Variants in SLC41A3 observed in about 807,000 individuals in gnomAD.
SLC41A3 encodes the protein SLC41A1-like 2.
Under a neutral mutation model 45.4 loss-of-function variants are expected in SLC41A3, and 44 were observed. The observed-to-expected ratio is 0.97, with a 90% CI of 0.76 to 1.25. The LOEUF is 1.25. Ranked by LOEUF, SLC41A3 falls within the 50% of genes most tolerant of loss-of-function variation. SLC41A3 has a pLI of 0.00. For missense variants in SLC41A3, 550 were observed against 600.6 expected, an observed-to-expected ratio of 0.92 and a Z score of 0.88; for synonymous variants, 256 against 252.4, an observed-to-expected ratio of 1.01 and a Z score of -0.13.
At chr3:126,023,722 CCTGTTCAGA>C (rs1180438526) in intron 5 of SLC41A3, 2 of 152,118 alleles carry the variant, frequency 1.3e-5, no homozygotes, top group East Asian at 3.9e-4. Flanking sequence ...AGTCCTCCTT[CCTGTTCAGA>C]CTGTTCAGAC....
chr3:126,057,067 G>A (rs191227645), intron 2 of SLC41A3: 27 of 995,380 alleles, frequency 2.7e-5, no homozygotes, highest in Non-Finnish European at 3.1e-5. Flanking sequence ...TGGCAGAGGA[G>A]GGCCTGGGGA....
At chr3:126,097,741 A>T (rs1369802040) in intron 1 of SLC41A3, among the ~76,000 whole-genome samples, 5 of 152,202 alleles carry the variant, frequency 3.3e-5, no homozygotes, top group Admixed American at 6.5e-5. Flanking sequence ...GACAAACAGC[A>T]ACCAGCAGCT....
upstream of SLC41A3, among the ~76,000 whole-genome samples, chr3:126,087,585 A>G (rs1460858906): frequency 1.3e-5 from 2 of 152,060 alleles, no homozygotes; most frequent in Non-Finnish European, 2.9e-5. Context: ...AGAGATGTAG[A>G]GAAACATAAG....
intron 8 of SLC41A3, among the ~76,000 whole-genome samples, chr3:126,013,113 T>C (rs1040598334): frequency 6.6e-6 from 1 of 151,898 alleles, no homozygotes; most frequent in Non-Finnish European, 1.5e-5. Context: ...GGTCTGAGAA[T>C]AGTGTGATAA....
chr3:126,081,485 T>C (rs79801019), intron 1 of SLC41A3, among the ~76,000 whole-genome samples: 4,139 of 152,328 alleles, frequency 0.027, 168 homozygotes, highest in African/African-American at 0.09. Flanking sequence ...TATTTCGGAA[T>C]AGCTAGAATT....
Position 126,026,507 on chromosome 3 carries a change from G to A in SLC41A3, c.454-28C>T, listed in dbSNP as rs929274831. The A allele has an allele frequency of 6.3e-7, 1 of 1,590,898 alleles. No homozygotes were observed. Among genetic ancestry groups the A allele is most frequent in the South Asian group, 1.1e-5 (1 of 87,534 alleles). Reference sequence around the variant, plus strand: ...GTTGGACAGAAATCAGAAGCATGAAGGGGGGCCCCGGGGCCACAGCCACAC... The same window carrying A: ...GTTGGACAGAAATCAGAAGCATGAAAGGGGGCCCCGGGGCCACAGCCACAC... On this transcript the variant is annotated intron_variant, in intron 4 of 10. Transcript: ENST00000360370. This position sits in a 1 kb window ranked among gnomAD's most constrained non-coding sequence, Gnocchi z 4.2.
chr3:126,015,938 T>C (rs1940235356), intron 7 of SLC41A3, among the ~76,000 whole-genome samples: 1 of 152,212 alleles, frequency 6.6e-6, no homozygotes, highest in African/African-American at 2.4e-5. Context: ...GATCACCTCA[T>C]GCCCACCCCA....
rs879554091 is a variant in SLC41A3 at position 126,006,750 on chromosome 3, C to A, written c.*266G>T. The stretch of plus-strand genomic sequence containing the variant: ...GCCAGAACACCCTCCTCTCCACAAA[C>A]GTGTGCACACTTGCACGCTCATTAA... On this transcript the variant is annotated 3_prime_UTR_variant, in exon 11 of 11. Coordinates refer to ENST00000360370, the MANE Select transcript of SLC41A3 (RefSeq NM_017836.4). 2.8e-6 allele frequency: 4 copies of A among 1,444,648 alleles called. No homozygotes were observed. The South Asian group carries it at 4.5e-5, about 16-fold the overall frequency. The allele number at this position is 1,444,648 out of a possible 1,614,324, so 89.5% of individuals were successfully genotyped here.
chr3:126,047,072 A>C (rs1251456313), intron 3 of SLC41A3, among the ~76,000 whole-genome samples: 1 of 151,914 alleles, frequency 6.6e-6, no homozygotes, highest in South Asian at 2.1e-4. Flanking sequence ...AAGCAAAAAA[A>C]CTAAATGCTG....
rs1448751437 is a variant in SLC41A3 at position 126,015,492 on chromosome 3, A to G, written c.970+2T>C. The G allele has an allele frequency of 6.2e-7, 1 of 1,614,152 alleles. No individual in the cohort carries two copies. Among genetic ancestry groups the G allele is most frequent in the South Asian group, 1.1e-5 (1 of 91,080 alleles). On this transcript the variant is annotated splice_donor_variant, in intron 8 of 10. Transcript: ENST00000360370. LOFTEE classifies it high-confidence loss of function. The stretch of plus-strand genomic sequence containing the variant: ...CCACATGGGAACCCTTCAAATACGT[A>G]CCACATATGACGGGGGTAAATATCG...
At chr3:126,010,984 G>C (rs1192875185) in intron 9 of SLC41A3, among the ~76,000 whole-genome samples, 2 of 152,188 alleles carry the variant, frequency 1.3e-5, no homozygotes, top group Non-Finnish European at 2.9e-5. Flanking sequence ...CCAAAGTCTT[G>C]TCCATAATAC....
chr3:126,074,206 C>T (rs149219763), intron 1 of SLC41A3, among the ~76,000 whole-genome samples: 438 of 151,864 alleles, frequency 2.9e-3, no homozygotes, highest in Middle Eastern at 0.017. Flanking sequence ...AGGACATTCC[C>T]TTCTATTCCT....
At chr3:126,020,120 C>T (rs889407237) in intron 6 of SLC41A3, among the ~76,000 whole-genome samples, 7 of 152,144 alleles carry the variant, frequency 4.6e-5, no homozygotes, top group African/African-American at 1.7e-4. Flanking sequence ...AGGTTTATGA[C>T]TTGTACCTTC....
chr3:126,028,235 C>T (rs1162683120), intron 4 of SLC41A3, among the ~76,000 whole-genome samples: 3 of 152,248 alleles, frequency 2.0e-5, no homozygotes, highest in African/African-American at 7.2e-5. Context: ...CCTCCCCTCA[C>T]AGGCCCAGAG....
chr3:126,006,957 C>A lies in SLC41A3; in HGVS notation c.*59G>T. 6.2e-7 allele frequency: 1 copy of A among 1,607,266 alleles called. No homozygotes were observed. Among genetic ancestry groups the A allele is most frequent in the South Asian group, 1.1e-5 (1 of 90,060 alleles). ...GACCTGGCAAGGGAGAAACTGAATTCTGTATCCCACTGATGTGAGAGGAAA... is the reference window on the plus strand; with the variant it reads ...GACCTGGCAAGGGAGAAACTGAATTATGTATCCCACTGATGTGAGAGGAAA... On this transcript the variant is annotated 3_prime_UTR_variant, in exon 11 of 11. Coordinates refer to ENST00000360370, the MANE Select transcript of SLC41A3 (RefSeq NM_017836.4).
At chr3:126,053,893 T>C (rs1402992402) in intron 2 of SLC41A3, among the ~76,000 whole-genome samples, 1 of 152,130 alleles carries the variant, frequency 6.6e-6, no homozygotes, top group Non-Finnish European at 1.5e-5. Flanking sequence ...TTCCCCAATC[T>C]GACATTCAAG....
intron 2 of SLC41A3, chr3:126,056,654 C>T (rs751769291): frequency 8.8e-6 from 13 of 1,470,996 alleles, no homozygotes; most frequent in African/African-American, 2.8e-5. Flanking sequence ...CCAAGAAGTC[C>T]ACACAAACAG....
At chr3:126,086,159 T>G (rs2108122027), upstream of SLC41A3, among the ~76,000 whole-genome samples, 1 of 152,232 alleles carries the variant, frequency 6.6e-6, no homozygotes, top group South Asian at 2.1e-4. Flanking sequence ...GAGAATGACC[T>G]CATTTCGGGC....
intron 1 of SLC41A3, among the ~76,000 whole-genome samples, chr3:126,101,181 G>A (rs1576395407): frequency 6.6e-6 from 1 of 152,232 alleles, no homozygotes; most frequent in East Asian, 1.9e-4. Flanking sequence ...CCAGCCCGGG[G>A]AGGGAAAGGA....
Sources: allele counts gnomAD v4.1 joint callset (sites outside exome capture counted in the v4.1 genomes callset), GRCh38; gene constraint gnomAD v4.1.1; non-coding constraint Gnocchi (gnomAD v3.1); transcripts MANE v1.5; gene names NCBI Gene and HGNC (gene_info 2026-07-23, HGNC 2026-07-21).